Variants in PPM1L observed in about 807,000 individuals in gnomAD.
The protein encoded by PPM1L is protein phosphatase, Mg2+/Mn2+ dependent 1L.
Under a neutral mutation model 31.4 loss-of-function variants are expected in PPM1L, and 13 were observed. The ratio of observed to expected loss-of-function variants is 0.41; its 90% CI spans 0.27 to 0.66. PPM1L has a LOEUF of 0.66. Ranked by LOEUF, PPM1L falls within the 30% of genes least tolerant of loss-of-function variation. PPM1L has a pLI of 0.29. For missense variants in PPM1L, 326 were observed against 453.7 expected, an observed-to-expected ratio of 0.72 and a Z score of 2.56; for synonymous variants, 184 against 175.4, an observed-to-expected ratio of 1.05 and a Z score of -0.39.
intron 2 of PPM1L, among the ~76,000 whole-genome samples, chr3:160,965,800 A>G (rs1559906371): frequency 6.6e-6 from 1 of 152,094 alleles, no homozygotes; most frequent in Non-Finnish European, 1.5e-5. Context: ...TAGTTAGAAG[A>G]TATCTTGGTC....
chr3:160,960,952 C>T (rs781743193), intron 1 of PPM1L, among the ~76,000 whole-genome samples: 10 of 152,210 alleles, frequency 6.6e-5, no homozygotes, highest in Middle Eastern at 3.4e-3. Flanking sequence ...CCATGTGGAA[C>T]GTGCTTACCT....
intron 1 of PPM1L, among the ~76,000 whole-genome samples, chr3:160,835,078 T>TCTG (rs1272130272): frequency 1.3e-5 from 2 of 150,088 alleles, no homozygotes; most frequent in African/African-American, 2.5e-5. Context: ...TTCTTCTTCT[T>TCTG]CTTCTTCTTT....
intron 1 of PPM1L, among the ~76,000 whole-genome samples, chr3:160,763,089 T>G (rs1454666956): frequency 1.3e-5 from 2 of 152,226 alleles, no homozygotes; most frequent in Non-Finnish European, 2.9e-5. Flanking sequence ...TCCTAGTCTC[T>G]GGTTGTCTCT....
At chr3:161,025,146 G>A in intron 2 of PPM1L, among the ~76,000 whole-genome samples, 1 of 152,178 alleles carries the variant, frequency 6.6e-6, no homozygotes, top group East Asian at 1.9e-4. Flanking sequence ...TAGGTGCTAT[G>A]GTTTGAATGT....
chr3:160,768,035 C>T (rs1464892681), intron 1 of PPM1L, among the ~76,000 whole-genome samples: 1 of 152,140 alleles, frequency 6.6e-6, no homozygotes, highest in Non-Finnish European at 1.5e-5. Flanking sequence ...TATCTTTTTG[C>T]TCCATAGATA....
intron 2 of PPM1L, among the ~76,000 whole-genome samples, chr3:161,060,042 A>C (rs748719548): frequency 3.3e-5 from 5 of 152,180 alleles, no homozygotes; most frequent in Non-Finnish European, 7.4e-5. Context: ...GTAAGAATGG[A>C]CTAATATATC....
At chr3:160,819,064 A>G (rs1366285278) in intron 1 of PPM1L, among the ~76,000 whole-genome samples, 20 of 151,912 alleles carry the variant, frequency 1.3e-4, no homozygotes, top group Admixed American at 1.2e-3. Flanking sequence ...AGATGAAAGG[A>G]CATGGAATGG....
At chr3:160,835,047 T>TTCC (rs879762612) in intron 1 of PPM1L, among the ~76,000 whole-genome samples, 15,735 of 146,078 alleles carry the variant, frequency 0.11, 1,841 homozygotes, top group African/African-American at 0.28. Flanking sequence ...CTACTTCTTC[T>TTCC]TCTTCTTCTT....
chr3:160,814,512 TATATATACACACAC>T (rs1712907765), intron 1 of PPM1L, among the ~76,000 whole-genome samples: 1 of 117,282 alleles, frequency 8.5e-6, no homozygotes, highest in African/African-American at 4.0e-5. Context: ...TGTATGTGTA[TATATATACACACAC>T]ATATGTATGT....
intron 1 of PPM1L, among the ~76,000 whole-genome samples, chr3:160,955,545 A>G (rs964806222): frequency 2.0e-5 from 3 of 152,112 alleles, no homozygotes; most frequent in African/African-American, 7.2e-5. Flanking sequence ...TTGCATATTA[A>G]AATTGCAGTT....
intron 1 of PPM1L, among the ~76,000 whole-genome samples, chr3:160,909,913 G>C (rs1713895865): frequency 1.3e-5 from 2 of 152,260 alleles, no homozygotes; most frequent in Admixed American, 6.5e-5. Context: ...AGTAGCTCTG[G>C]GTTTCTGAAA....
At chr3:160,862,662 GCACACACACACACACACA>G (rs6148164) in intron 1 of PPM1L, among the ~76,000 whole-genome samples, 17 of 127,224 alleles carry the variant, frequency 1.3e-4, no homozygotes, top group Admixed American at 9.2e-4. Flanking sequence ...CTAGGCACAC[GCACACACACACACACACA>G]CACACACACA....
At chr3:160,975,741 T>C (rs1479321299) in intron 2 of PPM1L, among the ~76,000 whole-genome samples, 2 of 152,242 alleles carry the variant, frequency 1.3e-5, no homozygotes, top group African/African-American at 2.4e-5. Context: ...GAGACTTTGC[T>C]AAAGTTGCTA....
chr3:160,820,452 G>T lies in PPM1L; in HGVS notation c.399+63745G>T, dbSNP rs73875404. 9.8e-3 allele frequency among the ~76,000 whole-genome samples: 1,489 copies of T among 152,126 alleles called. 21 individuals are homozygous for T. Among genetic ancestry groups the T allele is most frequent in the African/African-American group, 0.031 (1,274 of 41,526 alleles). On this transcript the variant is annotated intron_variant, in intron 1 of 3. Transcript: ENST00000498165. ...ATATTCACAGTACCTAGCATAAAAA[G>T]TTAAGTATATTAGTCCTCATATTAC...
intron 1 of PPM1L, among the ~76,000 whole-genome samples, chr3:160,884,719 A>G (rs1403475210): frequency 6.6e-6 from 1 of 152,226 alleles, no homozygotes; most frequent in African/African-American, 2.4e-5. Context: ...ACTTTCATAA[A>G]TATTTCAGGA....
At chr3:160,840,421 A>G (rs1362263006) in intron 1 of PPM1L, among the ~76,000 whole-genome samples, 1 of 152,174 alleles carries the variant, frequency 6.6e-6, no homozygotes, top group Non-Finnish European at 1.5e-5. Context: ...AACCAATAGG[A>G]TGTAGATACA....
At chr3:160,874,464 T>A (rs1425040064) in intron 1 of PPM1L, among the ~76,000 whole-genome samples, 1 of 152,190 alleles carries the variant, frequency 6.6e-6, no homozygotes, top group Non-Finnish European at 1.5e-5. Flanking sequence ...TCCCTTTAAG[T>A]CTGCCAAAAT....
chr3:160,837,549 T>C (rs1713756969), intron 1 of PPM1L, among the ~76,000 whole-genome samples: 2 of 152,144 alleles, frequency 1.3e-5, no homozygotes. Context: ...CTTTATTGAA[T>C]AGCACTGGGG....
chr3:160,890,428 C>T (rs758643826), intron 1 of PPM1L, among the ~76,000 whole-genome samples: 3 of 151,984 alleles, frequency 2.0e-5, no homozygotes, highest in Admixed American at 6.6e-5. Flanking sequence ...ATACAGCTAA[C>T]GAGATGTGAA....
Sources: gnomAD v4.1 joint callset for allele counts (sites outside exome capture counted in the v4.1 genomes callset) on GRCh38, gnomAD v4.1.1 for gene constraint, MANE v1.5 for transcripts, NCBI Gene and HGNC (gene_info 2026-07-23, HGNC 2026-07-21) for gene names.